Variants in NDRG1 observed in about 807,000 individuals in gnomAD.
NDRG1 encodes protein NDRG1.
In NDRG1, 32 loss-of-function variants were observed where a neutral mutation model predicts 56.9. The observed-to-expected ratio is 0.56, with a 90% confidence interval of 0.42 to 0.76. NDRG1 has a LOEUF of 0.76. NDRG1 is among the 30% of genes least tolerant of loss of function. The pLI, the probability that NDRG1 is intolerant of heterozygous loss-of-function variation, is 0.00. For synonymous variants in NDRG1, 211 were observed against 204.1 expected, an observed-to-expected ratio of 1.03 and a Z score of -0.29; for missense variants, 507 against 545.7, an observed-to-expected ratio of 0.93 and a Z score of 0.71.
intron 3 of NDRG1, among the ~76,000 whole-genome samples, chr8:133,279,807 G>T (rs1020847141): frequency 5.9e-5 from 9 of 152,234 alleles, no homozygotes; most frequent in Admixed American, 2.0e-4. Context: ...TCCTGAGTGG[G>T]AATGGAGATA....
intron 1 of NDRG1, chr8:133,296,717 A>T (rs1353206091): frequency 5.9e-6 from 2 of 338,730 alleles, no homozygotes; most frequent in East Asian, 1.0e-4. Context: ...ACACACACAC[A>T]CACACACACA....
intron 13 of NDRG1, 62 bp downstream of exon 13, chr8:133,246,554 C>G: frequency 6.5e-7 from 1 of 1,545,126 alleles, no homozygotes; most frequent in Non-Finnish European, 9.0e-7. Flanking sequence ...CTCAATGTTG[C>G]AGAAAACGTC....
chr8:133,295,040 C>T lies in NDRG1; in HGVS notation c.-19+2094G>A, dbSNP rs552940440. On this transcript the variant is annotated intron_variant, in intron 1 of 15. Transcript: ENST00000323851. ...GGAAAGAAGTTGGACTAGGTAGGTC[C>T]TGTGTGAGTTTTTTATTCCATTCCA... Among the ~76,000 whole-genome samples the T allele has an allele frequency of 2.0e-5, 3 of 152,322 alleles. No homozygotes were observed. The South Asian group carries it at 6.2e-4, about 32-fold the overall frequency.
In NDRG1 at chr8:133,244,340, C is replaced by T. The variant is rs1554748576; in HGVS notation, c.891+15G>A. 1.3e-5 allele frequency: 21 copies of T among 1,614,054 alleles called. No homozygotes were observed. Among genetic ancestry groups the T allele is most frequent in the Non-Finnish European group, 1.8e-5 (21 of 1,180,050 alleles). On this transcript the variant is annotated intron_variant, in intron 14 of 15. Coordinates refer to ENST00000323851, the MANE Select transcript of NDRG1 (RefSeq NM_006096.4). ...AGCGACAGCTGTATAATGCAAAAGCCAACATGGCACTCACCTGGGAGATCT... is the reference window on the plus strand; with the variant it reads ...AGCGACAGCTGTATAATGCAAAAGCTAACATGGCACTCACCTGGGAGATCT...
At chr8:133,268,443 C>G (rs1226856903) in intron 3 of NDRG1, among the ~76,000 whole-genome samples, 1 of 152,184 alleles carries the variant, frequency 6.6e-6, no homozygotes, top group Admixed American at 6.5e-5. Flanking sequence ...AAAAAAGAGG[C>G]TTTCGACATT....
At chr8:133,268,484 G>A (rs911780036) in intron 3 of NDRG1, among the ~76,000 whole-genome samples, 9 of 152,182 alleles carry the variant, frequency 5.9e-5, no homozygotes, top group Non-Finnish European at 1.0e-4. Flanking sequence ...CAAAGACCCC[G>A]TCTGAGAACA....
intron 3 of NDRG1, among the ~76,000 whole-genome samples, chr8:133,279,776 A>AC (rs1857676941): frequency 6.6e-6 from 1 of 152,022 alleles, no homozygotes; most frequent in African/African-American, 2.4e-5. Context: ...GCTGAGGTGC[A>AC]CCCCCTGGCC....
intron 13 of NDRG1, among the ~76,000 whole-genome samples, chr8:133,246,220 T>C (rs1445611906): frequency 6.6e-6 from 1 of 152,262 alleles, no homozygotes; most frequent in Non-Finnish European, 1.5e-5. Flanking sequence ...TGGCTCACCA[T>C]GTGCTCAGAT....
chr8:133,285,573 C>T (rs1858063267), intron 1 of NDRG1, among the ~76,000 whole-genome samples: 1 of 152,200 alleles, frequency 6.6e-6, no homozygotes, highest in Non-Finnish European at 1.5e-5. Context: ...TGGTGAAACA[C>T]CTCTTAGAGG....
chr8:133,285,266 A>G (rs908637981), intron 1 of NDRG1, among the ~76,000 whole-genome samples: 2 of 152,188 alleles, frequency 1.3e-5, no homozygotes, highest in Non-Finnish European at 2.9e-5. Context: ...ATGCCCATCA[A>G]TCCCTGGGGT....
chr8:133,284,618 C>T (rs898587777), intron 1 of NDRG1: 39 of 491,462 alleles, frequency 7.9e-5, no homozygotes, highest in African/African-American at 7.0e-4. Flanking sequence ...AAACAGGTCC[C>T]CATACCAAGT....
intron 2 of NDRG1, among the ~76,000 whole-genome samples, chr8:133,282,606 A>G (rs182676065): frequency 6.6e-6 from 1 of 152,376 alleles, no homozygotes; most frequent in East Asian, 1.9e-4. Flanking sequence ...CCCAGAGTTT[A>G]GAGGACACAG....
At chr8:133,277,638 T>TACTTAATATGACGGA (rs1857527555) in intron 3 of NDRG1, among the ~76,000 whole-genome samples, 1 of 152,244 alleles carries the variant, frequency 6.6e-6, no homozygotes, top group Non-Finnish European at 1.5e-5. Context: ...AATATGAATG[T>TACTTAATATGACGGA]ACTTAATATG....
At chr8:133,272,176 G>C (rs1039584701) in intron 3 of NDRG1, among the ~76,000 whole-genome samples, 3 of 152,236 alleles carry the variant, frequency 2.0e-5, no homozygotes, top group Non-Finnish European at 4.4e-5. Context: ...CAGAGGGTCA[G>C]GGAACAGGCT....
rs1324810882 is a variant in NDRG1, at chr8:133,254,641, T to C, written c.538-46A>G. 6 of 1,599,770 alleles carry C rather than the reference T, an allele frequency of 3.8e-6. No homozygotes were observed. In the East Asian group the frequency reaches 6.7e-5, roughly 18 times the overall value. ...TGGATGAGAAACCAGGAGCTAACAGTAGTTAACAAGGTCAGCAAAACCCCA... is the reference window on the plus strand; with the variant it reads ...TGGATGAGAAACCAGGAGCTAACAGCAGTTAACAAGGTCAGCAAAACCCCA... On this transcript the variant is annotated intron_variant, in intron 8 of 15. Transcript: ENST00000323851.
chr8:133,248,019 A>C, intron 11 of NDRG1, 93 bp from the exon 12 acceptor site: 1 of 1,261,996 alleles, frequency 7.9e-7, no homozygotes, highest in South Asian at 1.2e-5. Flanking sequence ...GCATTCTACA[A>C]ACAATGTCAT....
chr8:133,262,263 T>C, intron 4 of NDRG1, 96 bp from the exon 5 acceptor site: 1 of 1,469,996 alleles, frequency 6.8e-7, no homozygotes, highest in South Asian at 1.2e-5. Context: ...GTTTCATTCC[T>C]ATTCAGAAGT....
intron 7 of NDRG1, among the ~76,000 whole-genome samples, chr8:133,257,962 G>A (rs1856467704): frequency 6.6e-6 from 1 of 152,186 alleles, no homozygotes; most frequent in Non-Finnish European, 1.5e-5. Context: ...CCTGAGCCCA[G>A]AGAAATAACA....
intron 12 of NDRG1, 84 bp downstream of exon 12, chr8:133,247,791 G>A: frequency 1.4e-6 from 2 of 1,411,360 alleles, no homozygotes; most frequent in East Asian, 2.3e-5. Context: ...GAGGAGAGGA[G>A]GGGCAGGCAG....
Sources: allele counts gnomAD v4.1 joint callset (sites outside exome capture counted in the v4.1 genomes callset), GRCh38; gene constraint gnomAD v4.1.1; transcripts MANE v1.5; gene names NCBI Gene and HGNC (gene_info 2026-07-23, HGNC 2026-07-21).